DNAJB11: variants seen among roughly 807,000 people sequenced by gnomAD.
DNAJB11 encodes DnaJ heat shock protein family (Hsp40) member B11, also known as dnaJ homolog subfamily B member 11.
A neutral mutation model predicts 47.2 loss-of-function variants in DNAJB11; 30 were observed. The observed-to-expected ratio is 0.64, with a 90% confidence interval of 0.48 to 0.86. The LOEUF (loss-of-function observed/expected upper bound fraction) is 0.86, where lower values mean the gene tolerates loss of function less well. DNAJB11 is among the 40% of genes least tolerant of loss of function. The pLI is 0.00. For synonymous variants in DNAJB11, 151 were observed against 159.9 expected (o/e 0.94, Z 0.42); for missense variants, 357 against 440.2 (o/e 0.81, Z 1.69).
intron 4 of DNAJB11, chr3:186,580,435 T>C (rs1202044221): frequency 6.6e-6 from 1 of 152,220 alleles, no homozygotes; most frequent in Admixed American, 6.5e-5. Context: ...GTATTAGTCA[T>C]GTGGCCTTGG....
intron 3 of DNAJB11, 82 bp downstream of exon 3, chr3:186,576,019 T>A: frequency 9.8e-7 from 1 of 1,022,994 alleles, no homozygotes; most frequent in Non-Finnish European, 1.5e-6. Context: ...CATTCCCTAG[T>A]TCAGAAACTT....
At chr3:186,581,549 C>G (rs139822929) in intron 5 of DNAJB11, 36 bp downstream of exon 5, 255 of 1,601,110 alleles carry the variant, frequency 1.6e-4, no homozygotes, top group Non-Finnish European at 2.1e-4. Context: ...TACCAAGAAA[C>G]ACTTGTTAAT....
chr3:186,580,336 AAAATACCTTGAG>A (rs1715441749), intron 4 of DNAJB11: 1 of 152,200 alleles, frequency 6.6e-6, no homozygotes, highest in Non-Finnish European at 1.5e-5. Context: ...TAAAGAAAAA[AAAATACCTTGAG>A]AAATAGGATA....
intron 4 of DNAJB11, chr3:186,581,131 T>C: frequency 2.3e-6 from 1 of 430,394 alleles, no homozygotes. Context: ...TGTTTCTTAC[T>C]CCCGTCTCTA....
intron 7 of DNAJB11, among the ~76,000 whole-genome samples, chr3:186,583,363 T>C (rs1028401450): frequency 6.6e-6 from 1 of 152,220 alleles, no homozygotes; most frequent in African/African-American, 2.4e-5. Flanking sequence ...CTCTTTAATC[T>C]CAGTGTTGTT....
At chr3:186,579,694 C>A (rs1203779420) in intron 4 of DNAJB11, 1 of 152,292 alleles carries the variant, frequency 6.6e-6, no homozygotes, top group Non-Finnish European at 1.5e-5. Flanking sequence ...ATGGGCTGAG[C>A]CCTGGCCCAC....
rs1232843146 is a variant in DNAJB11 at position 186,583,910 on chromosome 3, G to A, written c.786G>A (p.Val262=). 19 of 1,613,694 alleles carry A rather than the reference G, an allele frequency of 1.2e-5. No homozygotes were observed. Among genetic ancestry groups the A allele is most frequent in the Non-Finnish European group, 1.6e-5 (19 of 1,179,762 alleles). ...ERRGDDLYTN[V]TISLVESLVG... The stretch of plus-strand genomic sequence containing the variant: ...GAGGAGATGATTTGTACACAAATGT[G>A]ACAATCTCATTAGTTGAGTCACTGG... The change falls in exon 8 of 10, where the codon GTG becomes GTA. Residue 262 remains valine, a synonymous_variant. Coordinates refer to ENST00000265028, the MANE Select transcript of DNAJB11 (RefSeq NM_016306.6).
At chr3:186,574,974 T>G (rs969088271) in intron 2 of DNAJB11, among the ~76,000 whole-genome samples, 4 of 84,516 alleles carry the variant, frequency 4.7e-5, no homozygotes, top group East Asian at 5.3e-4. Flanking sequence ...AAAGAGAAAG[T>G]TTTTTTTTGC....
intron 3 of DNAJB11, 21 bp downstream of exon 3, chr3:186,575,958 CAA>C: frequency 6.4e-7 from 1 of 1,552,252 alleles, no homozygotes; most frequent in Non-Finnish European, 8.9e-7. Flanking sequence ...TACCCATCTG[CAA>C]AGTGTTAGTG....
intron 1 of DNAJB11, among the ~76,000 whole-genome samples, chr3:186,571,547 A>G (rs1185947632): frequency 2.0e-5 from 3 of 152,224 alleles, no homozygotes; most frequent in Admixed American, 1.3e-4. Flanking sequence ...GAAGATCTTT[A>G]GACAGCCCTT....
At position 186,585,288 on chromosome 3, in the gene DNAJB11, C is replaced by T. The variant is rs561105462; in HGVS notation, c.1013-56C>T. 8.6e-5 allele frequency: 123 copies of T among 1,435,874 alleles called. No homozygotes were observed. In the East Asian group the frequency reaches 1.7e-3, roughly 20 times the overall value. 88.9% of individuals were successfully genotyped at this position (1,435,874 alleles called of 1,614,324 possible). ...TTTTTCTTGAAATATGCTCTTTAAA[C>T]GCTAGGAAAGTAACATTTTTTTGTT... is the stretch of plus-strand genomic sequence containing the variant. On this transcript the variant is annotated intron_variant, in intron 9 of 9. Transcript: ENST00000265028.
chr3:186,570,881 C>A lies in DNAJB11; in HGVS notation c.-17C>A, dbSNP rs751926194. The A allele has an allele frequency of 3.1e-6, 5 of 1,601,456 alleles. No individual in the cohort carries two copies. Among genetic ancestry groups the A allele is most frequent in the Non-Finnish European group, 4.3e-6 (5 of 1,173,842 alleles). On this transcript the variant is annotated 5_prime_UTR_variant, in exon 1 of 10. Coordinates refer to ENST00000265028, the MANE Select transcript of DNAJB11 (RefSeq NM_016306.6). Reference sequence around the variant, plus strand: ...GCTGTGAGGAGTGTGTGGAACAGGACCCGGGACAGAGGAACCATGGCTCCG... The same window carrying A: ...GCTGTGAGGAGTGTGTGGAACAGGAACCGGGACAGAGGAACCATGGCTCCG...
intron 2 of DNAJB11, among the ~76,000 whole-genome samples, chr3:186,573,433 G>A (rs909031460): frequency 6.6e-6 from 1 of 152,040 alleles, no homozygotes; most frequent in African/African-American, 2.4e-5. Flanking sequence ...CTGCCAAGCT[G>A]GAGTAGAGTG....
At position 186,570,809 on chromosome 3, in the gene DNAJB11, C is replaced by A; in HGVS notation, c.-89C>A. 3.1e-6 allele frequency: 4 copies of A among 1,286,164 alleles called. No individual in the cohort carries two copies. Among genetic ancestry groups the A allele is most frequent in the Non-Finnish European group, 3.3e-6 (3 of 914,760 alleles). The allele number at this position is 1,286,164 out of a possible 1,614,324, so 79.7% of individuals were successfully genotyped here. On this transcript the variant is annotated 5_prime_UTR_variant, in exon 1 of 10. Coordinates refer to ENST00000265028, the MANE Select transcript of DNAJB11 (RefSeq NM_016306.6). ...CCCGCGCCCCCCCGGTGTGAGGCGG[C>A]CTCACAGGGCCGGGTGGGCTGGCGA...
chr3:186,584,292 T>G, intron 8 of DNAJB11, 138 bp from the exon 9 acceptor site: 1 of 836,594 alleles, frequency 1.2e-6, no homozygotes, highest in Non-Finnish European at 1.8e-6. Flanking sequence ...ATTGTCTTAA[T>G]GGTATTTCCT....
chr3:186,575,583 T>G (rs551454754), intron 2 of DNAJB11, among the ~76,000 whole-genome samples: 13 of 152,330 alleles, frequency 8.5e-5, no homozygotes, highest in African/African-American at 3.1e-4. Flanking sequence ...CAGGTATTAT[T>G]TTTTAGTGAC....
At position 186,578,123 on chromosome 3, in the gene DNAJB11, A is replaced by G. The variant is rs1432355884; in HGVS notation, c.456+323A>G. 1.9e-5 allele frequency: 3 copies of G among 160,552 alleles called. No homozygotes were observed. The East Asian group carries it at 5.2e-4, about 28-fold the overall frequency. 9.9% of individuals were successfully genotyped at this position (160,552 alleles called of 1,614,324 possible). A position where few individuals can be genotyped will look rare whatever the true frequency, so the allele number is the denominator to read the frequency against. Reference sequence around the variant, plus strand: ...GTTCTTTTGCCATTCTTACTTTATCATGTATATATGAATACCTGAATAATA... The same window carrying G: ...GTTCTTTTGCCATTCTTACTTTATCGTGTATATATGAATACCTGAATAATA... On this transcript the variant is annotated intron_variant, in intron 4 of 9. Transcript: ENST00000265028.
In DNAJB11 at chr3:186,577,708, C is replaced by T. The variant is rs2108479923; in HGVS notation, c.364C>T (p.Arg122Cys). The change falls in exon 4 of 10, where the codon CGT becomes TGT. Residue 122 changes from arginine to cysteine, a missense_variant. Physicochemically the swap from Arg to Cys is radical, Grantham distance 180. Coordinates refer to ENST00000265028, the MANE Select transcript of DNAJB11 (RefSeq NM_016306.6). The stretch of plus-strand genomic sequence containing the variant: ...TGGTTTCATGTTTGGAGGAACCCCT[C>T]GTCAGCAAGACAGAAATATTCCAAG... ...DFGFMFGGTP[R>C]QQDRNIPRGS... is the part of the protein sequence containing the mutation. 6.2e-7 allele frequency: 1 copy of T among 1,601,898 alleles called. No homozygotes were observed. Among genetic ancestry groups the T allele is most frequent in the Non-Finnish European group, 8.5e-7 (1 of 1,174,418 alleles).
chr3:186,577,747 A>T lies in DNAJB11; in HGVS notation c.403A>T (p.Ile135Phe). Residue 135 changes from isoleucine (I) to phenylalanine (F), a missense_variant, in exon 4 of 10, where the codon ATT (isoleucine) becomes TTT (phenylalanine). By Grantham distance (21) the Ile-to-Phe change is conservative. Transcript: ENST00000265028. ...AAATATTCCAAGAGGAAGTGATATTATTGTAGATCTAGAAGTCACTTTGGA... is the reference window on the plus strand; with the variant it reads ...AAATATTCCAAGAGGAAGTGATATTTTTGTAGATCTAGAAGTCACTTTGGA... ...DRNIPRGSDI[I>F]VDLEVTLEEV... The T allele has an allele frequency of 6.2e-7, 1 of 1,609,462 alleles. No individual in the cohort carries two copies. The highest frequency in any genetic ancestry group is 1.1e-5 in the South Asian group (1 of 90,176).
Sources: gnomAD v4.1 joint callset for allele counts (sites outside exome capture counted in the v4.1 genomes callset) on GRCh38, gnomAD v4.1.1 for gene constraint, MANE v1.5 for transcripts, NCBI Gene and HGNC (gene_info 2026-07-23, HGNC 2026-07-21) for gene names.